Variants in SHPRH observed in about 807,000 individuals in gnomAD.
SHPRH encodes E3 ubiquitin-protein ligase SHPRH.
A neutral mutation model predicts 202.5 loss-of-function variants in SHPRH; 106 were observed. The ratio of observed to expected loss-of-function variants is 0.52; its 90% CI spans 0.45 to 0.62. The LOEUF (loss-of-function observed/expected upper bound fraction) is 0.62, where lower values mean the gene tolerates loss of function less well. Among genes scored for constraint, SHPRH ranks in the 20% least tolerant of loss-of-function variants. The probability of loss-of-function intolerance (pLI) is 0.00; values close to 1 mark genes in which losing one functional copy is unlikely to be tolerated. For synonymous variants in SHPRH, 729 were observed against 686.0 expected (o/e 1.06, Z -0.98); for missense variants, 1,710 against 2,020.0 (o/e 0.85, Z 2.94).
rs1422420579 is a variant in SHPRH at position 145,885,757 on chromosome 6, T to C, written c.*934A>G. 2.0e-5 allele frequency: 3 copies of C among 151,898 alleles called. No homozygotes were observed. The highest frequency in any genetic ancestry group is 7.3e-5 in the African/African-American group (3 of 41,314). The allele number at this position is 151,898 out of a possible 1,614,324, so 9.4% of individuals were successfully genotyped here. On this transcript the variant is annotated 3_prime_UTR_variant, in exon 30 of 30. Coordinates refer to ENST00000275233, the MANE Select transcript of SHPRH (RefSeq NM_001042683.3). ...GGAACAACTGGAGTGAAATAACAACTCTACCATGAATTCAGATATCACTGG... is the reference window on the plus strand; with the variant it reads ...GGAACAACTGGAGTGAAATAACAACCCTACCATGAATTCAGATATCACTGG...
chr6:145,911,931 T>C (rs35224568), intron 24 of SHPRH, among the ~76,000 whole-genome samples: 3,698 of 152,234 alleles, frequency 0.024, 102 homozygotes, highest in South Asian at 0.14. Flanking sequence ...GCTGTTTTAC[T>C]AGCATTTTTG....
At chr6:145,880,229 CTTT>C (rs1160347479), downstream of SHPRH, among the ~76,000 whole-genome samples, 1 of 152,058 alleles carries the variant, frequency 6.6e-6, no homozygotes, top group Non-Finnish European at 1.5e-5. Flanking sequence ...GCTTTATCTA[CTTT>C]TTGACTGAAA....
intron 25 of SHPRH, among the ~76,000 whole-genome samples, chr6:145,901,128 C>G (rs77569722): frequency 6.6e-6 from 1 of 151,966 alleles, no homozygotes; most frequent in Non-Finnish European, 1.5e-5. Context: ...AACAAAGAAC[C>G]ATATGAGGAA....
At chr6:145,864,464 A>C (rs1196294108) in exon 3 of SHPRH, 1 of 316,094 alleles carries the variant, frequency 3.2e-6, no homozygotes, top group Non-Finnish European at 6.6e-6. Context: ...TGTCATGAAA[A>C]CAAAATAACG....
At chr6:145,875,830 A>G (rs1292666053) in intron 2 of SHPRH, among the ~76,000 whole-genome samples, 3 of 152,230 alleles carry the variant, frequency 2.0e-5, no homozygotes, top group Non-Finnish European at 2.9e-5. Flanking sequence ...GCTGCCAGAT[A>G]TCAGTGAGAT....
At chr6:145,932,415 TA>T (rs1297550053) in intron 14 of SHPRH, among the ~76,000 whole-genome samples, 105 of 152,306 alleles carry the variant, frequency 6.9e-4, no homozygotes, top group African/African-American at 2.2e-3. Context: ...GAGAAGCCAC[TA>T]ATACTCTTCC....
intron 1 of SHPRH, 138 bp downstream of exon 1, chr6:145,963,593 C>T (rs1582858302): frequency 6.6e-6 from 1 of 152,206 alleles, no homozygotes; most frequent in Non-Finnish European, 1.5e-5. Flanking sequence ...TAATCTGGCT[C>T]CAAAGGTAAC....
Position 145,943,684 on chromosome 6 carries a change from T to C in SHPRH, c.1697A>G (p.Tyr566Cys), listed in dbSNP as rs779087902. 1 of 1,613,868 alleles carries C rather than the reference T, an allele frequency of 6.2e-7. No individual in the cohort carries two copies. ...ACTGCGATTTCTCCTGGACTTATAA[T>C]AATAATAGTAAGGATCATCATCATC... ...SDDDDDPYYYYYKSRRNRSKL... is the reference protein window; with the variant it reads ...SDDDDDPYYYCYKSRRNRSKL... Residue 566 changes from tyrosine to cysteine, a missense_variant, in exon 9 of 30, where the codon TAT (tyrosine) becomes TGT (cysteine). Tyr to Cys is a radical substitution (Grantham distance 194, BLOSUM62 -2). Around this residue, in one of 8 missense-constraint regions of SHPRH, gnomAD observed 348 missense variants for 356.9 expected, o/e 0.97. Coordinates refer to ENST00000275233, the MANE Select transcript of SHPRH (RefSeq NM_001042683.3).
At chr6:145,950,226 C>T (rs1276866685) in intron 4 of SHPRH, 38 bp downstream of exon 4, 1 of 1,576,672 alleles carries the variant, frequency 6.3e-7, no homozygotes, top group Admixed American at 1.7e-5. Context: ...TGTAATCTCT[C>T]TAATCAATTG....
chr6:145,918,383 G>T, intron 22 of SHPRH, 151 bp from the exon 23 acceptor site: 4 of 411,696 alleles, frequency 9.7e-6, no homozygotes, highest in Non-Finnish European at 1.2e-5. Context: ...ATGGATACTA[G>T]ATAATATATT....
At chr6:145,935,563 A>G in intron 11 of SHPRH, 122 bp from the exon 12 acceptor site, 2 of 890,384 alleles carry the variant, frequency 2.2e-6, no homozygotes, top group East Asian at 2.7e-5. Context: ...TACAGGCTGT[A>G]TAGGCTCTTA....
At chr6:145,955,427 T>C in intron 1 of SHPRH, 73 bp from the exon 2 acceptor site, 1 of 1,396,126 alleles carries the variant, frequency 7.2e-7, no homozygotes, top group Non-Finnish European at 9.6e-7. Flanking sequence ...AGATGAGAAA[T>C]TCAGCATAAA....
At chr6:145,948,407 C>A in intron 4 of SHPRH, 57 bp from the exon 5 acceptor site, 3 of 1,352,508 alleles carry the variant, frequency 2.2e-6, no homozygotes, top group Admixed American at 1.9e-5. Context: ...GTCAGATAAT[C>A]ACATTAAAAA....
intron 11 of SHPRH, 57 bp downstream of exon 11, chr6:145,940,666 T>C (rs1166448597): frequency 6.5e-7 from 1 of 1,547,844 alleles, no homozygotes; most frequent in African/African-American, 1.4e-5. Context: ...AATACTTTTC[T>C]CTCTAAAAAA....
chr6:145,927,798 T>C (rs191461143), intron 14 of SHPRH, among the ~76,000 whole-genome samples: 2 of 152,040 alleles, frequency 1.3e-5, no homozygotes, highest in African/African-American at 4.8e-5. Flanking sequence ...CCAAATAATT[T>C]GCAATTAAAA....
At chr6:145,910,356 C>T in intron 25 of SHPRH, 92 bp downstream of exon 25, 1 of 1,431,844 alleles carries the variant, frequency 7.0e-7, no homozygotes, top group Non-Finnish European at 9.6e-7. Flanking sequence ...CACTGTCAAG[C>T]TTGTTCTGAT....
At chr6:145,957,884 C>T (rs1788669899) in intron 1 of SHPRH, among the ~76,000 whole-genome samples, 2 of 152,158 alleles carry the variant, frequency 1.3e-5, no homozygotes, top group Admixed American at 6.5e-5. Context: ...TGAATGTTAA[C>T]AGCTTTACTA....
At chr6:145,935,902 T>A (rs1358314998) in intron 11 of SHPRH, 1 of 153,186 alleles carries the variant, frequency 6.5e-6, no homozygotes, top group African/African-American at 2.4e-5. Flanking sequence ...ATCTAATAAT[T>A]CTCCTAGAAA....
intron 28 of SHPRH, among the ~76,000 whole-genome samples, chr6:145,889,117 C>T (rs921381761): frequency 6.6e-6 from 1 of 152,056 alleles, no homozygotes; most frequent in Non-Finnish European, 1.5e-5. Context: ...GATATATGCA[C>T]CTGGGACAGG....
Sources: allele counts gnomAD v4.1 joint callset (sites outside exome capture counted in the v4.1 genomes callset), GRCh38; gene constraint gnomAD v4.1.1; regional missense constraint gnomAD v4.1.1; transcripts MANE v1.5; gene names NCBI Gene and HGNC (gene_info 2026-07-23, HGNC 2026-07-21).